PTPRS: variants seen among roughly 807,000 people sequenced by gnomAD.
The protein encoded by PTPRS is protein tyrosine phosphatase receptor type S.
Under a neutral mutation model 215.3 loss-of-function variants are expected in PTPRS, and 63 were observed. The observed-to-expected ratio is 0.29, with a 90% confidence interval of 0.24 to 0.36. The LOEUF (loss-of-function observed/expected upper bound fraction) is 0.36, where lower values mean the gene tolerates loss of function less well. Among genes scored for constraint, PTPRS ranks in the 10% least tolerant of loss-of-function variants. The pLI is 1.00. For synonymous variants in PTPRS, 1,404 were observed against 1,191.4 expected (o/e 1.18, Z -3.68); for missense variants, 2,258 against 2,825.8 (o/e 0.80, Z 4.56).
intron 1 of PTPRS, among the ~76,000 whole-genome samples, chr19:5,322,997 G>A (rs1013872534): frequency 6.6e-6 from 1 of 152,070 alleles, no homozygotes; most frequent in Non-Finnish European, 1.5e-5. Context: ...ATGTATGCCT[G>A]GAGCCCTACT....
intron 1 of PTPRS, among the ~76,000 whole-genome samples, chr19:5,335,398 T>C (rs1158739970): frequency 6.6e-6 from 1 of 152,034 alleles, no homozygotes; most frequent in African/African-American, 2.4e-5. Context: ...GTGAGGAGGG[T>C]GGCTCAAGTC....
chr19:5,244,534 C>G lies in PTPRS; in HGVS notation c.989-52G>C, dbSNP rs1477635541. The G allele has an allele frequency of 6.8e-7, 1 of 1,473,826 alleles. No individual in the cohort carries two copies. The highest frequency in any genetic ancestry group is 9.3e-7 in the Non-Finnish European group (1 of 1,075,666). The allele number at this position is 1,473,826 out of a possible 1,614,324, so 91.3% of individuals were successfully genotyped here. Reference sequence around the variant, plus strand: ...GCATTGGGCACATTGGTTGAGGACCCTGAAGGCTGTGTGACTTTTCACCAT... The same window carrying G: ...GCATTGGGCACATTGGTTGAGGACCGTGAAGGCTGTGTGACTTTTCACCAT... On this transcript the variant is annotated intron_variant, in intron 10 of 37. Coordinates refer to ENST00000262963, the MANE Select transcript of PTPRS (RefSeq NM_002850.4). The surrounding 1 kb of genome is among the most constrained non-coding windows in gnomAD (Gnocchi z 7.2).
chr19:5,317,165 G>C (rs2049899419), intron 1 of PTPRS, among the ~76,000 whole-genome samples: 1 of 152,068 alleles, frequency 6.6e-6, no homozygotes, highest in African/African-American at 2.4e-5. Context: ...ATATTACTTG[G>C]GTAAACAAAT....
At chr19:5,207,886 A>T in intron 37 of PTPRS, 36 bp downstream of exon 37, 1 of 1,606,722 alleles carries the variant, frequency 6.2e-7, no homozygotes. Context: ...TCGGGGCGTG[A>T]GGCCAGGCTG....
chr19:5,282,481 T>C (rs1031979250), intron 2 of PTPRS, among the ~76,000 whole-genome samples: 1 of 152,172 alleles, frequency 6.6e-6, no homozygotes, highest in Non-Finnish European at 1.5e-5. Flanking sequence ...GCTTTATGCC[T>C]GTGGCCAGGA....
intron 16 of PTPRS, 146 bp downstream of exon 16, chr19:5,229,170 G>A: frequency 1.2e-5 from 11 of 944,156 alleles, no homozygotes; most frequent in Non-Finnish European, 1.6e-5. Context: ...CGCTCCAAGA[G>A]GTAATGGGAG....
At chr19:5,300,325 GTGGCTCA>G (rs140053562) in intron 1 of PTPRS, among the ~76,000 whole-genome samples, 35,584 of 151,708 alleles carry the variant, frequency 0.23, 4,679 homozygotes, top group African/African-American at 0.35. Context: ...CATTTCCAGT[GTGGCTCA>G]TGGTCAGAGT....
rs755465123 is a variant in PTPRS, at chr19:5,210,848, C to A, written c.5235-43G>T. On this transcript the variant is annotated intron_variant, in intron 33 of 37. Coordinates refer to ENST00000262963, the MANE Select transcript of PTPRS (RefSeq NM_002850.4). The surrounding 1 kb of genome is among the most constrained non-coding windows in gnomAD (Gnocchi z 4.5). Reference sequence around the variant, plus strand: ...ATGAGCCCAGGGCCGGCAGGGAGACCCGGCGTGGTACTCACCTGATGCTGC... The same window carrying A: ...ATGAGCCCAGGGCCGGCAGGGAGACACGGCGTGGTACTCACCTGATGCTGC... 1.5e-5 allele frequency: 24 copies of A among 1,596,762 alleles called. No homozygotes were observed. Among genetic ancestry groups the A allele is most frequent in the Non-Finnish European group, 1.9e-5 (22 of 1,174,350 alleles).
chr19:5,233,968 A>T (rs1211234143), intron 13 of PTPRS, among the ~76,000 whole-genome samples: 6 of 138,826 alleles, frequency 4.3e-5, no homozygotes, highest in African/African-American at 1.6e-4. Flanking sequence ...AAAAAAAAAA[A>T]AAAAAAAAAT....
Position 5,216,743 on chromosome 19 carries a change from C to T in PTPRS, c.4073G>A (p.Arg1358Lys), listed in dbSNP as rs2041500856. 1.3e-6 allele frequency: 2 copies of T among 1,578,372 alleles called. No individual in the cohort carries two copies. The highest frequency in any genetic ancestry group is 3.6e-5 in the Admixed American group (2 of 55,222). ...TPDSGLRSPL[R>K]EPGFHFESML... The stretch of plus-strand genomic sequence containing the variant: ...ACTTTCAAAGTGAAACCCCGGCTCC[C>T]TGAGGGGGCTCCTGAGGCCTGAATC... The change falls in exon 26 of 38, where the codon AGG (arginine) becomes AAG (lysine). Residue 1358 changes from arginine to lysine, a missense_variant. Around this residue, in one of 6 missense-constraint regions of PTPRS, gnomAD observed 927 missense variants for 1,125.9 expected, o/e 0.82. Coordinates refer to ENST00000262963, the MANE Select transcript of PTPRS (RefSeq NM_002850.4).
At chr19:5,236,599 A>G (rs559081777) in intron 13 of PTPRS, among the ~76,000 whole-genome samples, 1 of 152,352 alleles carries the variant, frequency 6.6e-6, no homozygotes, top group South Asian at 2.1e-4. Flanking sequence ...AGTACTTACT[A>G]TGGACACTAT....
At chr19:5,211,053 C>G (rs879344710) in intron 33 of PTPRS, among the ~76,000 whole-genome samples, 1 of 152,260 alleles carries the variant, frequency 6.6e-6, no homozygotes, top group Admixed American at 6.5e-5. Flanking sequence ...ACTAACCTCT[C>G]CTGATTTCTT....
chr19:5,312,324 C>T (rs185094909), intron 1 of PTPRS, among the ~76,000 whole-genome samples: 326 of 152,108 alleles, frequency 2.1e-3, no homozygotes, highest in Non-Finnish European at 3.0e-3. Flanking sequence ...ATGTGTGGGA[C>T]GAGAAGGTGA....
At chr19:5,272,812 C>T (rs2047036582) in intron 4 of PTPRS, among the ~76,000 whole-genome samples, 2 of 151,954 alleles carry the variant, frequency 1.3e-5, no homozygotes, top group South Asian at 4.2e-4. Flanking sequence ...ACCTCAGCCT[C>T]CCAAAGTGCT....
At chr19:5,268,118 A>C (rs1268598972) in intron 4 of PTPRS, among the ~76,000 whole-genome samples, 2 of 151,728 alleles carry the variant, frequency 1.3e-5, no homozygotes, top group South Asian at 4.2e-4. Context: ...TGCAGTGAGC[A>C]GAGATCGCGC....
chr19:5,273,569 A>G lies in PTPRS; in HGVS notation c.252T>C (p.Asp84=), dbSNP rs2047100296. Reference sequence around the variant, plus strand: ...TCCTCAGCACTGCCCCTGCACTCTCATCAAACTCAATCGTCTGCCATGGGC... The same window carrying G: ...TCCTCAGCACTGCCCCTGCACTCTCGTCAAACTCAATCGTCTGCCATGGGC... The part of the protein sequence containing the change: ...NSQRFETIEF[D]ESAGAVLRIQ... Residue 84 remains aspartate (D), a synonymous_variant, in exon 4 of 38, where the codon GAT becomes GAC. Transcript: ENST00000262963. The G allele has an allele frequency of 1.2e-6, 2 of 1,613,748 alleles. No homozygotes were observed. Among genetic ancestry groups the G allele is most frequent in the Non-Finnish European group, 1.7e-6 (2 of 1,179,694 alleles).
At chr19:5,285,374 C>T (rs1453078345) in intron 2 of PTPRS, among the ~76,000 whole-genome samples, 1 of 152,206 alleles carries the variant, frequency 6.6e-6, no homozygotes, top group African/African-American at 2.4e-5. Context: ...GGACCCTCAT[C>T]CTCTTCACAT....
intron 4 of PTPRS, among the ~76,000 whole-genome samples, chr19:5,267,824 G>A (rs1398559372): frequency 6.6e-6 from 1 of 151,808 alleles, no homozygotes; most frequent in Admixed American, 6.6e-5. Context: ...AGGAATGCTG[G>A]AGTGGAGGGG....
chr19:5,208,220 C>A lies in PTPRS; in HGVS notation c.5642+17G>T. On this transcript the variant is annotated intron_variant, in intron 36 of 37. Coordinates refer to ENST00000262963, the MANE Select transcript of PTPRS (RefSeq NM_002850.4). ...TCCCCAGCAGGGCCAAAAGCTGGGA[C>A]ACTCGAGGGAGCTCACCTGCAGTGG... 6.4e-7 allele frequency: 1 copy of A among 1,572,800 alleles called. No individual in the cohort carries two copies. Among genetic ancestry groups the A allele is most frequent in the Non-Finnish European group, 8.7e-7 (1 of 1,155,866 alleles).
Sources: allele counts gnomAD v4.1 joint callset (sites outside exome capture counted in the v4.1 genomes callset), GRCh38; gene constraint gnomAD v4.1.1; regional missense constraint gnomAD v4.1.1; non-coding constraint Gnocchi (gnomAD v3.1); transcripts MANE v1.5; gene names NCBI Gene and HGNC (gene_info 2026-07-23, HGNC 2026-07-21).